The following COX11 variants were observed in gnomAD, a reference collection of about 807,000 sequenced individuals.
COX11 encodes cytochrome c oxidase copper chaperone COX11, also known as cytochrome c oxidase assembly protein COX11, mitochondrial.
Under a neutral mutation model 29.4 loss-of-function variants are expected in COX11, and 18 were observed. The observed-to-expected ratio is 0.61, with a 90% confidence interval of 0.42 to 0.91. The LOEUF (loss-of-function observed/expected upper bound fraction) is 0.91. Ranked by LOEUF, COX11 falls within the 40% of genes least tolerant of loss-of-function variation. The pLI is 0.00. For synonymous variants in COX11, 131 were observed against 124.0 expected (o/e 1.06, Z -0.38); for missense variants, 312 against 346.0 (o/e 0.90, Z 0.78).
At chr17:54,964,603 A>C in intron 2 of COX11, 94 bp downstream of exon 2, 2 of 1,138,042 alleles carry the variant, frequency 1.8e-6, no homozygotes, top group South Asian at 1.3e-5. Flanking sequence ...TATTAGAATC[A>C]TAGTGTTAAA....
At chr17:54,960,054 T>A (rs900002547), downstream of COX11, among the ~76,000 whole-genome samples, 1 of 152,130 alleles carries the variant, frequency 6.6e-6, no homozygotes, top group Non-Finnish European at 1.5e-5. Flanking sequence ...TACATACTTT[T>A]AAGAGACATA....
chr17:54,961,370 G>A lies in COX11; in HGVS notation c.*1363C>T. 1 of 1,550,830 alleles carries A rather than the reference G, an allele frequency of 6.4e-7. No individual in the cohort carries two copies. The highest frequency in any genetic ancestry group is 8.7e-7 in the Non-Finnish European group (1 of 1,146,636). Reference sequence around the variant, plus strand: ...CATGGTGGCACATTTCTGCTATAATGAAGATTAAATAGAATAACAGTTCCA... The same window carrying A: ...CATGGTGGCACATTTCTGCTATAATAAAGATTAAATAGAATAACAGTTCCA... On this transcript the variant is annotated 3_prime_UTR_variant, in exon 4 of 4. Coordinates refer to ENST00000299335, the MANE Select transcript of COX11 (RefSeq NM_004375.5).
intron 1 of COX11, among the ~76,000 whole-genome samples, chr17:54,967,826 C>T (rs1211728460): frequency 1.3e-5 from 2 of 152,102 alleles, no homozygotes; most frequent in East Asian, 3.9e-4. Flanking sequence ...GGAGGAACTG[C>T]TAATCCCAGT....
chr17:54,965,915 T>G (rs750356082), intron 1 of COX11, among the ~76,000 whole-genome samples: 1 of 152,098 alleles, frequency 6.6e-6, no homozygotes. Flanking sequence ...TCTGGATAAT[T>G]TGCCTGTTAC....
exon 1 of COX11, chr17:54,952,776 A>G (rs969464636): frequency 6.6e-6 from 1 of 152,252 alleles, no homozygotes; most frequent in Non-Finnish European, 1.5e-5. Context: ...ATGAGGCCCC[A>G]AGTCTGGAAC....
Position 54,962,531 on chromosome 17 carries a change from T to A in COX11, c.*202A>T. ...CAGTATGGTATTGAATAGTCAGTCA[T>A]ATATTCTAGCTAGGCATATGAGTTT... On this transcript the variant is annotated 3_prime_UTR_variant, in exon 4 of 4. Transcript: ENST00000299335. 1 of 1,284,302 alleles carries A rather than the reference T, an allele frequency of 7.8e-7. No homozygotes were observed. Among genetic ancestry groups the A allele is most frequent in the Non-Finnish European group, 9.8e-7 (1 of 1,017,960 alleles). 79.6% of individuals were successfully genotyped at this position (1,284,302 alleles called of 1,614,324 possible).
chr17:54,956,572 G>C (rs1190283106), downstream of COX11, among the ~76,000 whole-genome samples: 2 of 152,086 alleles, frequency 1.3e-5, no homozygotes, highest in Non-Finnish European at 2.9e-5. Flanking sequence ...GCCTCCCAAA[G>C]TGCTGGGATT....
chr17:54,967,042 GCACACACACACACACA>G (rs71159276), intron 1 of COX11, among the ~76,000 whole-genome samples: 1 of 96,040 alleles, frequency 1.0e-5, no homozygotes, highest in East Asian at 2.5e-4. Flanking sequence ...GCGCGCGCGC[GCACACACACACACACA>G]CACACACACA....
intron 3 of COX11, 180 bp downstream of exon 3, chr17:54,963,126 A>T (rs2077159096): frequency 7.6e-6 from 6 of 792,144 alleles, no homozygotes; most frequent in Admixed American, 3.1e-5. Flanking sequence ...TTAAAAGCAG[A>T]TATCCATTTG....
intron 2 of COX11, among the ~76,000 whole-genome samples, chr17:54,963,932 C>T (rs959580643): frequency 3.9e-5 from 6 of 152,050 alleles, no homozygotes; most frequent in South Asian, 4.1e-4. Flanking sequence ...AAAAAATTTT[C>T]CAAAGGATAT....
At chr17:54,959,791 GT>G (rs1567851698), downstream of COX11, among the ~76,000 whole-genome samples, 1 of 151,802 alleles carries the variant, frequency 6.6e-6, no homozygotes, top group East Asian at 1.9e-4. Context: ...TAATTTTTAT[GT>G]TTTTTGTAGA....
chr17:54,966,527 GT>G (rs1478693575), intron 1 of COX11, among the ~76,000 whole-genome samples: 1 of 152,104 alleles, frequency 6.6e-6, no homozygotes, highest in Non-Finnish European at 1.5e-5. Flanking sequence ...TGGTTATTTA[GT>G]AGCATTCCTA....
chr17:54,959,050 T>C (rs957369854), downstream of COX11, among the ~76,000 whole-genome samples: 3 of 152,168 alleles, frequency 2.0e-5, no homozygotes, highest in Non-Finnish European at 4.4e-5. Context: ...AGACATTTAA[T>C]GTATTAAGAA....
intron 1 of COX11, among the ~76,000 whole-genome samples, chr17:54,967,040 GCGCA>G (rs1196521679): frequency 0.011 from 417 of 38,464 alleles, 1 homozygote; most frequent in African/African-American, 0.02. Flanking sequence ...GTGCGCGCGC[GCGCA>G]CACACACACA....
upstream of COX11, chr17:54,968,762 C>T: frequency 7.9e-7 from 1 of 1,261,780 alleles, no homozygotes. Context: ...TACCAGGCTC[C>T]TCAGGTGGCA....
chr17:54,952,805 C>G (rs2049303508), exon 1 of COX11: 1 of 152,234 alleles, frequency 6.6e-6, no homozygotes. Context: ...GAACTAGGGC[C>G]AGCATGGCAG....
intron 1 of COX11, 69 bp downstream of exon 1, chr17:54,968,212 G>A: frequency 6.4e-7 from 1 of 1,557,590 alleles, no homozygotes; most frequent in Non-Finnish European, 8.6e-7. Flanking sequence ...GCGAGGGCTT[G>A]TCCCGGGATT....
rs1252156756 is a variant in COX11, at chr17:54,961,462, T to C, written c.*1271A>G. 1 of 1,461,692 alleles carries C rather than the reference T, an allele frequency of 6.8e-7. No individual in the cohort carries two copies. 90.5% of individuals were successfully genotyped at this position (1,461,692 alleles called of 1,614,324 possible). A position where few individuals can be genotyped will look rare whatever the true frequency, so the allele number is the denominator to read the frequency against. On this transcript the variant is annotated 3_prime_UTR_variant, in exon 4 of 4. Transcript: ENST00000299335. Reference sequence around the variant, plus strand: ...AACTTGTTTGGAACAAATACTCACTTAAAACTTCAGCAGAAGAAAAATTAC... The same window carrying C: ...AACTTGTTTGGAACAAATACTCACTCAAAACTTCAGCAGAAGAAAAATTAC...
intron 1 of COX11, among the ~76,000 whole-genome samples, chr17:54,965,762 C>CGGAG (rs1408628829): frequency 1.3e-5 from 2 of 148,426 alleles, no homozygotes; most frequent in Non-Finnish European, 3.0e-5. Flanking sequence ...ACCCGGGAGG[C>CGGAG]GGAGGTTGCA....
Sources: gnomAD v4.1 joint callset for allele counts (sites outside exome capture counted in the v4.1 genomes callset) on GRCh38, gnomAD v4.1.1 for gene constraint, MANE v1.5 for transcripts, NCBI Gene and HGNC (gene_info 2026-07-23, HGNC 2026-07-21) for gene names.